Variants in KMT2C observed in about 807,000 individuals in gnomAD.
The protein encoded by KMT2C is histone-lysine N-methyltransferase 2C.
In KMT2C, 88 loss-of-function variants were observed where a neutral mutation model predicts 507.9. The ratio of observed to expected loss-of-function variants is 0.17; its 90% CI spans 0.15 to 0.21. KMT2C has a LOEUF of 0.21. Among genes scored for constraint, KMT2C ranks in the 10% least tolerant of loss-of-function variants. The probability of loss-of-function intolerance (pLI) is 1.00; values close to 1 mark genes in which losing one functional copy is unlikely to be tolerated. For synonymous variants in KMT2C, 2,049 were observed against 2,080.8 expected, an observed-to-expected ratio of 0.98 and a Z score of 0.42; for missense variants, 4,954 against 5,957.8, an observed-to-expected ratio of 0.83 and a Z score of 5.55.
At chr7:152,401,163 G>C (rs933963075) in intron 1 of KMT2C, among the ~76,000 whole-genome samples, 21 of 147,328 alleles carry the variant, frequency 1.4e-4, no homozygotes, top group Non-Finnish European at 3.0e-4. Context: ...TCGGCTCACT[G>C]CAACCTCCGC....
rs200671629 is a variant in KMT2C at position 152,316,441 on chromosome 7, CAACA to C, written c.390-1107_390-1104del. ...GAGAAAACATTAAAAAATTAAGAGA[CAACA>C]ATCAATATACATATATAGAATATAC... On this transcript the variant is annotated intron_variant, in intron 3 of 58. Coordinates refer to ENST00000262189, the MANE Select transcript of KMT2C (RefSeq NM_170606.3). Among the ~76,000 whole-genome samples the C allele has an allele frequency of 9.4e-3, 1,430 of 152,032 alleles. 25 individuals carry two copies. The highest frequency in any genetic ancestry group is 0.033 in the African/African-American group (1,373 of 41,460).
At chr7:152,280,377 CTAAAAA>C (rs2096183547) in intron 6 of KMT2C, among the ~76,000 whole-genome samples, 1 of 151,164 alleles carries the variant, frequency 6.6e-6, no homozygotes, top group South Asian at 2.1e-4. Flanking sequence ...CCCGTCTCTA[CTAAAAA>C]TAAAAATAAA....
chr7:152,135,517 T>C lies in KMT2C; in HGVS notation c.*1315A>G, dbSNP rs550557751. On this transcript the variant is annotated 3_prime_UTR_variant, in exon 59 of 59. Coordinates refer to ENST00000262189, the MANE Select transcript of KMT2C (RefSeq NM_170606.3). ...GTAAGCATAATCACATCTCCTTTTT[T>C]TTTTTAACTTTTTCAAATTTTTGTG... The C allele has an allele frequency of 8.9e-6, 2 of 224,322 alleles. No individual in the cohort carries two copies. Among genetic ancestry groups the C allele is most frequent in the East Asian group, 1.3e-4 (2 of 15,316 alleles). 13.9% of individuals were successfully genotyped at this position (224,322 alleles called of 1,614,324 possible).
At chr7:152,370,000 T>C (rs919716684) in intron 1 of KMT2C, among the ~76,000 whole-genome samples, 1 of 152,268 alleles carries the variant, frequency 6.6e-6, no homozygotes, top group South Asian at 2.1e-4. Flanking sequence ...GAGACCATCC[T>C]GGCTAACACG....
At chr7:152,388,200 T>C (rs1271128915) in intron 1 of KMT2C, among the ~76,000 whole-genome samples, 1 of 152,296 alleles carries the variant, frequency 6.6e-6, no homozygotes, top group African/African-American at 2.4e-5. Flanking sequence ...ATTATGGGTA[T>C]ACATTTATAC....
At chr7:152,290,377 C>T (rs1161581551) in intron 6 of KMT2C, among the ~76,000 whole-genome samples, 1 of 133,856 alleles carries the variant, frequency 7.5e-6, no homozygotes, top group African/African-American at 2.7e-5. Flanking sequence ...GTGGCACAAT[C>T]TCGGCTCACT....
intron 1 of KMT2C, among the ~76,000 whole-genome samples, chr7:152,384,614 C>CCAT: frequency 6.8e-6 from 1 of 148,128 alleles, no homozygotes; most frequent in South Asian, 2.2e-4. Context: ...ACCACCACCA[C>CCAT]GCTGCACTGA....
intron 1 of KMT2C, among the ~76,000 whole-genome samples, chr7:152,377,668 G>A (rs965502489): frequency 5.4e-5 from 8 of 149,332 alleles, no homozygotes; most frequent in African/African-American, 2.0e-4. Flanking sequence ...CCAGGAGGCA[G>A]AGGTTGCACT....
chr7:152,206,970 A>G (rs1209360715), intron 24 of KMT2C, among the ~76,000 whole-genome samples: 3 of 152,222 alleles, frequency 2.0e-5, no homozygotes, highest in African/African-American at 7.2e-5. Flanking sequence ...GCGTTACAGA[A>G]GTACACATCC....
At chr7:152,180,614 T>C (rs565771126) in intron 36 of KMT2C, 97 bp downstream of exon 36, 1 of 945,796 alleles carries the variant, frequency 1.1e-6, no homozygotes, top group Non-Finnish European at 1.5e-6. Context: ...ATAAAAAAAA[T>C]AAAACATTAA....
rs1342566340 is a variant in KMT2C, at chr7:152,151,553, A to T, written c.12555T>A (p.His4185Gln). The T allele has an allele frequency of 1.2e-6, 2 of 1,613,984 alleles. No homozygotes were observed. The highest frequency in any genetic ancestry group is 1.3e-5 in the African/African-American group (1 of 74,940). Reference protein sequence around the residue: ...NGLSGYKDSSHGIAESAALRP... With the variant: ...NGLSGYKDSSQGIAESAALRP... ...TGAGTGCTGCGCTTTCTGCAATACC[A>T]TGACTAGAATCCTTATATCCAGAAA... Residue 4185 changes from histidine (H) to glutamine (Q), a missense_variant, in exon 50 of 59, where the codon CAT (histidine) becomes CAA (glutamine). By Grantham distance (24) the His-to-Gln change is conservative. Around this residue, in one of 29 missense-constraint regions of KMT2C, gnomAD observed 417 missense variants for 461.1 expected, o/e 0.90. Coordinates refer to ENST00000262189, the MANE Select transcript of KMT2C (RefSeq NM_170606.3).
At chr7:152,329,142 A>T (rs1269952226) in intron 3 of KMT2C, among the ~76,000 whole-genome samples, 1 of 152,184 alleles carries the variant, frequency 6.6e-6, no homozygotes. Context: ...GACAAAAAGT[A>T]GACAAGATAT....
chr7:152,408,105 T>C (rs2097639822), intron 1 of KMT2C, among the ~76,000 whole-genome samples: 1 of 152,042 alleles, frequency 6.6e-6, no homozygotes, highest in African/African-American at 2.4e-5. Flanking sequence ...CTGGCCAATA[T>C]GGCGAAACCC....
intron 2 of KMT2C, among the ~76,000 whole-genome samples, chr7:152,338,061 T>G (rs1311617012): frequency 6.6e-6 from 1 of 152,018 alleles, no homozygotes; most frequent in Non-Finnish European, 1.5e-5. Context: ...GGTTTCACTG[T>G]GTTAGCCAGG....
At chr7:152,384,139 G>A (rs2097399788) in intron 1 of KMT2C, among the ~76,000 whole-genome samples, 1 of 152,086 alleles carries the variant, frequency 6.6e-6, no homozygotes, top group African/African-American at 2.4e-5. Flanking sequence ...AAGCAGTTCA[G>A]AAAAGGGGCA....
chr7:152,166,750 T>A (rs1243025825), intron 42 of KMT2C, among the ~76,000 whole-genome samples: 1 of 152,094 alleles, frequency 6.6e-6, no homozygotes, highest in Non-Finnish European at 1.5e-5. Context: ...AAACCCAGTA[T>A]CTCCCCATGA....
chr7:152,312,307 C>T (rs546225794), intron 4 of KMT2C: 1 of 157,784 alleles, frequency 6.3e-6, no homozygotes, highest in East Asian at 1.9e-4. Flanking sequence ...TACTTAAACG[C>T]TTACAAAACA....
chr7:152,245,678 G>A (rs866144532), intron 14 of KMT2C, among the ~76,000 whole-genome samples: 116 of 152,030 alleles, frequency 7.6e-4, no homozygotes, highest in African/African-American at 2.7e-3. Context: ...TAAAATGTTC[G>A]TTTAATTTTG....
chr7:152,288,861 G>A (rs1202785442), intron 6 of KMT2C, among the ~76,000 whole-genome samples: 1 of 152,238 alleles, frequency 6.6e-6, no homozygotes, highest in Non-Finnish European at 1.5e-5. Context: ...AAACCATGGA[G>A]GCCAGAACAA....
Sources: allele counts gnomAD v4.1 joint callset (sites outside exome capture counted in the v4.1 genomes callset), GRCh38; gene constraint gnomAD v4.1.1; regional missense constraint gnomAD v4.1.1; transcripts MANE v1.5; gene names NCBI Gene and HGNC (gene_info 2026-07-23, HGNC 2026-07-21).